The following SOX5 variants were observed in gnomAD, a reference collection of about 807,000 sequenced individuals.
SOX5 encodes SRY-box transcription factor 5, also known as transcription factor SOX-5.
A neutral mutation model predicts 92.0 loss-of-function variants in SOX5; 9 were observed. The ratio of observed to expected loss-of-function variants is 0.10; its 90% CI spans 0.06 to 0.17. The LOEUF is 0.17. SOX5 is among the 10% of genes least tolerant of loss of function. The probability of loss-of-function intolerance (pLI) is 1.00; values close to 1 mark genes in which losing one functional copy is unlikely to be tolerated. For missense variants in SOX5, 642 were observed against 944.5 expected (o/e 0.68, Z 4.20); for synonymous variants, 344 against 336.3 (o/e 1.02, Z -0.25).
At chr12:24,144,202 A>G (rs950538691) in intron 4 of SOX5, among the ~76,000 whole-genome samples, 2 of 152,192 alleles carry the variant, frequency 1.3e-5, no homozygotes, top group African/African-American at 4.8e-5. Flanking sequence ...AAGAAAAATA[A>G]CTGACAACCT....
chr12:23,766,336 A>G (rs906978637), intron 3 of SOX5, among the ~76,000 whole-genome samples: 6 of 152,166 alleles, frequency 3.9e-5, no homozygotes, highest in Non-Finnish European at 8.8e-5. Context: ...CATACAGTAT[A>G]TACTACATAT....
At chr12:23,617,985 T>C (rs2076768040) in intron 8 of SOX5, among the ~76,000 whole-genome samples, 1 of 152,146 alleles carries the variant, frequency 6.6e-6, no homozygotes, top group Non-Finnish European at 1.5e-5. Context: ...CCCCATATGA[T>C]GTATGACCTA....
At position 23,531,119 on chromosome 12, in the gene SOX5, A is replaced by ATAAC. The variant is rs1405917854; in HGVS notation, c.*3096_*3099dup. The ATAAC allele has an allele frequency of 1.3e-5, 2 of 152,140 alleles. No homozygotes were observed. The highest frequency in any genetic ancestry group is 2.9e-5 in the Non-Finnish European group (2 of 68,024). The allele number at this position is 152,140 out of a possible 1,614,324, so 9.4% of individuals were successfully genotyped here. A position where few individuals can be genotyped will look rare whatever the true frequency, so the allele number is the denominator to read the frequency against. ...ACTTCAAAGCACTTTCAACATTAATATAACTATTTTTGCTTTTGTTTTCTT... is the reference window on the plus strand; with the variant it reads ...ACTTCAAAGCACTTTCAACATTAATATAACTAACTATTTTTGCTTTTGTTTTCTT... On this transcript the variant is annotated 3_prime_UTR_variant, in exon 15 of 15. Transcript: ENST00000451604.
intron 4 of SOX5, among the ~76,000 whole-genome samples, chr12:24,061,009 A>G (rs977321349): frequency 6.6e-6 from 1 of 152,190 alleles, no homozygotes; most frequent in Non-Finnish European, 1.5e-5. Flanking sequence ...TCTGTCACTT[A>G]TAACCAAAAG....
At chr12:23,644,657 T>C (rs1399204008) in intron 7 of SOX5, among the ~76,000 whole-genome samples, 1 of 152,104 alleles carries the variant, frequency 6.6e-6, no homozygotes, top group Non-Finnish European at 1.5e-5. Context: ...ATTCAGTAAA[T>C]AGAGCAAAAA....
intron 13 of SOX5, among the ~76,000 whole-genome samples, chr12:23,540,315 A>G (rs1210104847): frequency 1.3e-5 from 2 of 150,858 alleles, no homozygotes; most frequent in Non-Finnish European, 3.0e-5. Context: ...ATGTATACAT[A>G]TGTAACTAAC....
intron 2 of SOX5, among the ~76,000 whole-genome samples, chr12:23,860,647 A>G (rs1046109608): frequency 6.6e-6 from 1 of 152,166 alleles, no homozygotes; most frequent in Non-Finnish European, 1.5e-5. Flanking sequence ...GAGATCTTTA[A>G]ATTTGTATAT....
At chr12:24,220,006 A>T (rs986622821) in intron 3 of SOX5, among the ~76,000 whole-genome samples, 4 of 152,138 alleles carry the variant, frequency 2.6e-5, no homozygotes, top group African/African-American at 9.6e-5. Context: ...TAATTGAACT[A>T]ATGGCTTACA....
chr12:23,941,761 CA>C (rs1158018866), intron 1 of SOX5, among the ~76,000 whole-genome samples: 1 of 151,368 alleles, frequency 6.6e-6, no homozygotes. Context: ...ATAGTTTGAG[CA>C]CCAGTTCATT....
chr12:23,920,079 C>T (rs1000466377), intron 1 of SOX5: 1 of 152,036 alleles, frequency 6.6e-6, no homozygotes, highest in South Asian at 2.1e-4. Flanking sequence ...ATTTAATCAG[C>T]GCTATTGCCT....
At chr12:24,375,508 G>A (rs1200901337) in intron 1 of SOX5, among the ~76,000 whole-genome samples, 10 of 151,634 alleles carry the variant, frequency 6.6e-5, no homozygotes, top group African/African-American at 2.4e-4. Context: ...ACCGAGGCAG[G>A]TGGATCACCT....
chr12:23,719,402 A>G lies in SOX5; in HGVS notation c.810+15282T>C, dbSNP rs141719988. On this transcript the variant is annotated intron_variant, in intron 6 of 14. Transcript: ENST00000451604. ...GTTTCTAAGCTCTCCTCATAACTAT[A>G]AAGATTATTAGCATTTCCATGCTAC... is the stretch of plus-strand genomic sequence containing the variant. Among the ~76,000 whole-genome samples, 778 of 152,272 alleles carry G rather than the reference A, an allele frequency of 5.1e-3. 7 individuals are homozygous for G. Among genetic ancestry groups the G allele is most frequent in the South Asian group, 0.019 (91 of 4,824 alleles).
At chr12:23,785,448 A>T (rs2141857369) in intron 3 of SOX5, among the ~76,000 whole-genome samples, 1 of 152,300 alleles carries the variant, frequency 6.6e-6, no homozygotes, top group Non-Finnish European at 1.5e-5. Flanking sequence ...ATGTTGCAAA[A>T]TTAAATAAAA....
At position 23,699,047 on chromosome 12, in the gene SOX5, C is replaced by T. The variant is rs567376287; in HGVS notation, c.811-33483G>A. 5.3e-5 allele frequency among the ~76,000 whole-genome samples: 8 copies of T among 152,310 alleles called. No individual in the cohort carries two copies. The South Asian group carries it at 1.2e-3, about 24-fold the overall frequency. ...GGCTTTGGTAGTTTACATACATATGCACTGATTAGTATTCAGAAAAGACCT... is the reference window on the plus strand; with the variant it reads ...GGCTTTGGTAGTTTACATACATATGTACTGATTAGTATTCAGAAAAGACCT... On this transcript the variant is annotated intron_variant, in intron 6 of 14. Transcript: ENST00000451604.
chr12:24,394,278 T>G (rs746145262), intron 1 of SOX5, among the ~76,000 whole-genome samples: 17 of 152,212 alleles, frequency 1.1e-4, no homozygotes, highest in Non-Finnish European at 2.2e-4. Flanking sequence ...AACCCTACTA[T>G]AGCCGAGAGA....
At chr12:23,682,819 A>G (rs909254525) in intron 6 of SOX5, among the ~76,000 whole-genome samples, 1 of 151,846 alleles carries the variant, frequency 6.6e-6, no homozygotes. Flanking sequence ...TGAAATTGAT[A>G]TTAGCAGGAA....
intron 4 of SOX5, among the ~76,000 whole-genome samples, chr12:24,095,118 C>CAGAGAGAGAGAGAGAG (rs1316678789): frequency 2.4e-5 from 2 of 82,646 alleles, no homozygotes. Context: ...CACACACACA[C>CAGAGAGAGAGAGAGAG]ACACACACAC....
At chr12:24,164,757 A>T (rs912879476) in intron 4 of SOX5, among the ~76,000 whole-genome samples, 1 of 152,038 alleles carries the variant, frequency 6.6e-6, no homozygotes, top group African/African-American at 2.4e-5. Context: ...TTATTGCTTC[A>T]TTCCCCTACT....
At chr12:23,981,704 G>C (rs1949580576) in intron 4 of SOX5, among the ~76,000 whole-genome samples, 2 of 151,856 alleles carry the variant, frequency 1.3e-5, no homozygotes, top group Admixed American at 1.3e-4. Flanking sequence ...GTTTTTTCTT[G>C]TTTCTGGAGA....
Sources: allele counts gnomAD v4.1 joint callset (sites outside exome capture counted in the v4.1 genomes callset), GRCh38; gene constraint gnomAD v4.1.1; transcripts MANE v1.5; gene names NCBI Gene and HGNC (gene_info 2026-07-23, HGNC 2026-07-21).